Variants in ANHX observed in about 807,000 individuals in gnomAD.
ANHX encodes anomalous homeobox protein.
ANHX carries 20 observed loss-of-function variants against 38.9 expected under a neutral mutation model. The observed-to-expected ratio is 0.51, with a 90% confidence interval of 0.36 to 0.75. ANHX has a LOEUF of 0.75. Ranked by LOEUF, ANHX falls within the 30% of genes least tolerant of loss-of-function variation. The probability of loss-of-function intolerance (pLI) is 0.00; values close to 1 mark genes in which losing one functional copy is unlikely to be tolerated. For synonymous variants in ANHX, 185 were observed against 203.1 expected, an observed-to-expected ratio of 0.91 and a Z score of 0.76; for missense variants, 475 against 493.1, an observed-to-expected ratio of 0.96 and a Z score of 0.35.
chr12:133,228,812 T>C (rs1957228910), intron 3 of ANHX, among the ~76,000 whole-genome samples: 1 of 152,222 alleles, frequency 6.6e-6, no homozygotes. Flanking sequence ...CTAAGCTCTG[T>C]AAATTTCTCA....
At chr12:133,234,399 A>G (rs1323505963) in intron 1 of ANHX, 21 bp from the exon 2 acceptor site, 5 of 1,513,474 alleles carry the variant, frequency 3.3e-6, no homozygotes, top group Non-Finnish European at 4.4e-6. Flanking sequence ...AAACAGTCAC[A>G]AGAATGGCCA....
intron 2 of ANHX, among the ~76,000 whole-genome samples, chr12:133,233,513 C>T (rs887334373): frequency 2.0e-5 from 3 of 152,142 alleles, no homozygotes; most frequent in African/African-American, 7.2e-5. Context: ...CGCAGGCATC[C>T]AGCACACGAC....
At chr12:133,226,107 G>A (rs889476075) in intron 6 of ANHX, among the ~76,000 whole-genome samples, 13 of 152,214 alleles carry the variant, frequency 8.5e-5, no homozygotes, top group African/African-American at 3.1e-4. Flanking sequence ...GAGTCAGGCT[G>A]CAGGAGCACG....
intron 7 of ANHX, among the ~76,000 whole-genome samples, chr12:133,222,789 T>C (rs1307270297): frequency 6.6e-6 from 1 of 152,104 alleles, no homozygotes; most frequent in African/African-American, 2.4e-5. Context: ...AAAAAATTAT[T>C]ATTAGGAACC....
At chr12:133,223,163 T>C (rs1957133659) in intron 7 of ANHX, among the ~76,000 whole-genome samples, 1 of 151,004 alleles carries the variant, frequency 6.6e-6, no homozygotes, top group Admixed American at 6.6e-5. Context: ...CACTCCAGCC[T>C]GGGCAACAAG....
At chr12:133,227,785 G>A in intron 4 of ANHX, 39 bp downstream of exon 4, 1 of 1,533,504 alleles carries the variant, frequency 6.5e-7, no homozygotes, top group Non-Finnish European at 8.7e-7. Flanking sequence ...GAGGCACCAG[G>A]CAGGGACCCC....
chr12:133,222,299 G>A (rs1957118455), intron 7 of ANHX, among the ~76,000 whole-genome samples: 1 of 152,212 alleles, frequency 6.6e-6, no homozygotes, highest in Non-Finnish European at 1.5e-5. Context: ...CAGTCGTGCA[G>A]TCAGGACGCA....
At chr12:133,227,793 C>T in intron 4 of ANHX, 31 bp downstream of exon 4, 2 of 1,534,530 alleles carry the variant, frequency 1.3e-6, no homozygotes, top group South Asian at 1.2e-5. Flanking sequence ...AGGCAGGGAC[C>T]CCCTGGGTCC....
intron 2 of ANHX, 25 bp from the exon 3 acceptor site, chr12:133,231,669 C>T: frequency 2.0e-6 from 3 of 1,535,512 alleles, no homozygotes; most frequent in Non-Finnish European, 2.6e-6. Context: ...GTACTGAGCC[C>T]TGGCCACCTG....
At position 133,219,351 on chromosome 12, in the gene ANHX, G is replaced by C. The variant is rs774012524; in HGVS notation, c.1297C>G (p.Pro433Ala). The change falls in exon 9 of 10, where the codon CCA becomes GCA. Residue 433 changes from proline (P) to alanine (A), a missense_variant. Pro to Ala is a conservative substitution (Grantham distance 27). Coordinates refer to ENST00000545940, the MANE Select transcript of ANHX (RefSeq NM_001372060.1). ...ILTQSPPELA[P>A]APSAFPGPVS... ...GGGCCGGGGAAGGCAGATGGGGCTG[G>C]GGCCAGCTCTGGAGGGCTGGAAAAG... is the stretch of plus-strand genomic sequence containing the variant. 3.3e-6 allele frequency: 5 copies of C among 1,533,226 alleles called. No homozygotes were observed. Among genetic ancestry groups the C allele is most frequent in the African/African-American group, 1.4e-5 (1 of 73,110 alleles). 95.0% of individuals were successfully genotyped at this position (1,533,226 alleles called of 1,614,324 possible).
rs1168710911 is a variant in ANHX at position 133,226,437 on chromosome 12, C to A, written c.720G>T (p.Glu240Asp). The change falls in exon 6 of 10, where the codon GAG becomes GAT. Residue 240 changes from glutamate (E) to aspartate (D), a missense_variant and splice_region_variant. Glu to Asp is a conservative substitution (Grantham distance 45). Coordinates refer to ENST00000545940, the MANE Select transcript of ANHX (RefSeq NM_001372060.1). ...SGFVDRPQWS[E>D]EREEKGPPQS... The stretch of plus-strand genomic sequence containing the variant: ...GTGGAGGCCCCTTTTCCTCACGTTC[C>A]TCTGAAAGTGATGAGATGGGAGGGG... The A allele has an allele frequency of 6.5e-7, 1 of 1,533,170 alleles. No individual in the cohort carries two copies. The highest frequency in any genetic ancestry group is 8.7e-7 in the Non-Finnish European group (1 of 1,144,910). The allele number at this position is 1,533,170 out of a possible 1,614,324, so 95.0% of individuals were successfully genotyped here. A position where few individuals can be genotyped will look rare whatever the true frequency, so the allele number is the denominator to read the frequency against.
At chr12:133,235,491 C>T (rs1345948923) in intron 1 of ANHX, 1 of 151,696 alleles carries the variant, frequency 6.6e-6, no homozygotes, top group African/African-American at 2.4e-5. Context: ...GCCCCCCTAC[C>T]TTTCTGGCAC....
chr12:133,230,231 C>T (rs903121652), intron 3 of ANHX, among the ~76,000 whole-genome samples: 1 of 152,224 alleles, frequency 6.6e-6, no homozygotes, highest in Non-Finnish European at 1.5e-5. Context: ...GGGTGCTTAA[C>T]AAACATGTCG....
At chr12:133,230,540 G>A (rs1201295194) in intron 3 of ANHX, among the ~76,000 whole-genome samples, 2 of 152,216 alleles carry the variant, frequency 1.3e-5, no homozygotes, top group Non-Finnish European at 2.9e-5. Context: ...CCAGTGGAGA[G>A]CACCTGAGAT....
intron 3 of ANHX, among the ~76,000 whole-genome samples, chr12:133,229,799 T>G (rs1957242799): frequency 6.6e-6 from 1 of 152,210 alleles, no homozygotes; most frequent in Admixed American, 6.5e-5. Flanking sequence ...CTGCTGCTCA[T>G]CAGCCTCTAA....
intron 3 of ANHX, among the ~76,000 whole-genome samples, chr12:133,228,406 A>C (rs1957220907): frequency 6.6e-6 from 1 of 151,900 alleles, no homozygotes; most frequent in Admixed American, 6.6e-5. Flanking sequence ...GTGCTTTTCC[A>C]TTCAGTGCTT....
At position 133,218,951 on chromosome 12, in the gene ANHX, C is replaced by A. The variant is rs868660509; in HGVS notation, c.1386G>T (p.Gln462His). 9.8e-6 allele frequency: 15 copies of A among 1,534,466 alleles called. No homozygotes were observed. The highest frequency in any genetic ancestry group is 1.3e-5 in the Non-Finnish European group (15 of 1,145,800). The change falls in exon 10 of 10, where the codon CAG (glutamine) becomes CAT (histidine). Residue 462 changes from glutamine to histidine, a missense_variant. Gln to His is a conservative substitution (Grantham distance 24). Transcript: ENST00000545940. Reference sequence around the variant, plus strand: ...CTCCCCAGAAGGCATCACCAGAGGCCTGGCTATCAGAACACTGCACCTGGA... The same window carrying A: ...CTCCCCAGAAGGCATCACCAGAGGCATGGCTATCAGAACACTGCACCTGGA... ...PSSQVQCSDS[Q>H]ASGDAFWGAR... is the part of the protein sequence containing the mutation.
chr12:133,229,470 G>A (rs1957236716), intron 3 of ANHX, among the ~76,000 whole-genome samples: 1 of 151,932 alleles, frequency 6.6e-6, no homozygotes, highest in Non-Finnish European at 1.5e-5. Context: ...CATGCTCCTG[G>A]TGGTTCCCAC....
chr12:133,224,769 T>C (rs1437826835), intron 7 of ANHX, among the ~76,000 whole-genome samples: 3 of 149,012 alleles, frequency 2.0e-5, no homozygotes, highest in Non-Finnish European at 3.0e-5. Flanking sequence ...ATCAAGACCA[T>C]CCTGGCTAAC....
Sources: allele counts gnomAD v4.1 joint callset (sites outside exome capture counted in the v4.1 genomes callset), GRCh38; gene constraint gnomAD v4.1.1; transcripts MANE v1.5; gene names NCBI Gene and HGNC (gene_info 2026-07-23, HGNC 2026-07-21).